Variants in ANKRD34C observed in about 807,000 individuals in gnomAD.
ANKRD34C encodes the protein ankyrin repeat domain 34C.
For synonymous variants in ANKRD34C, 260 were observed against 253.6 expected (o/e 1.03, Z -0.24); for missense variants, 563 against 653.0 (o/e 0.86, Z 1.50).
At position 79,293,585 on chromosome 15, in the gene ANKRD34C, G is replaced by C. The variant is rs1474153949; in HGVS notation, c.301G>C (p.Val101Leu). ...HACIRRAGGE[V>L]VSLLLENGAD... ...CTGTATCAGAAGAGCTGGGGGAGAA[G>C]TGGTCTCCTTATTACTGGAGAATGG... The change falls in exon 2 of 2, where the codon GTG (valine) becomes CTG (leucine). Residue 101 changes from valine (V) to leucine (L), a missense_variant. Physicochemically the swap from Val to Leu is conservative, Grantham distance 32. Coordinates refer to ENST00000421388, the MANE Select transcript of ANKRD34C (RefSeq NM_001146341.2). The C allele has an allele frequency of 6.4e-7, 1 of 1,551,592 alleles. No individual in the cohort carries two copies. The highest frequency in any genetic ancestry group is 1.4e-5 in the African/African-American group (1 of 73,048).
In ANKRD34C at chr15:79,293,656, T is replaced by G. The variant is rs955502762; in HGVS notation, c.372T>G (p.Val124=). The G allele has an allele frequency of 1.3e-6, 2 of 1,551,528 alleles. No individual in the cohort carries two copies. The highest frequency in any genetic ancestry group is 3.9e-5 in the Admixed American group (2 of 50,984). Reference sequence around the variant, plus strand: ...ATCGCACTGGGGCTTCAGCTCTGGTTTATGCAATAAATGCAGATGACAAGG... The same window carrying G: ...ATCGCACTGGGGCTTCAGCTCTGGTGTATGCAATAAATGCAGATGACAAGG... ...LEDRTGASAL[V]YAINADDKDA... is the part of the protein sequence containing the mutation. The change falls in exon 2 of 2, where the codon GTT becomes GTG. Residue 124 remains valine, a synonymous_variant. Coordinates refer to ENST00000421388, the MANE Select transcript of ANKRD34C (RefSeq NM_001146341.2).
At chr15:79,291,558 T>TCACTCA (rs770181881) in intron 1 of ANKRD34C, among the ~76,000 whole-genome samples, 1 of 50,996 alleles carries the variant, frequency 2.0e-5, no homozygotes, top group African/African-American at 7.5e-5. Flanking sequence ...GAAAGACCAT[T>TCACTCA]CACACACACA....
In ANKRD34C at chr15:79,294,587, C is replaced by T. The variant is rs1290010068; in HGVS notation, c.1303C>T (p.Arg435Cys). 56 of 1,551,618 alleles carry T rather than the reference C, an allele frequency of 3.6e-5. No homozygotes were observed. The highest frequency in any genetic ancestry group is 4.6e-5 in the Non-Finnish European group (53 of 1,147,010). The stretch of plus-strand genomic sequence containing the variant: ...ACCTAGCACATCCCCCAGCTCAGCA[C>T]GCCGCAGGCCGCCACATCTTCTAGA... ...TVPSTSPSSA[R>C]RRPPHLLERR... is the part of the protein sequence containing the mutation. The change falls in exon 2 of 2, where the codon CGC becomes TGC. Residue 435 changes from arginine to cysteine, a missense_variant. Physicochemically the swap from Arg to Cys is radical, Grantham distance 180. Transcript: ENST00000421388.
chr15:79,287,633 T>G (rs974472701), intron 1 of ANKRD34C, among the ~76,000 whole-genome samples: 1 of 152,258 alleles, frequency 6.6e-6, no homozygotes, highest in Admixed American at 6.5e-5. Context: ...TACTTGCTTA[T>G]AAGTAACAGA....
At position 79,294,066 on chromosome 15, in the gene ANKRD34C, C is replaced by T. The variant is rs1403453859; in HGVS notation, c.782C>T (p.Ser261Leu). 87 of 1,551,458 alleles carry T rather than the reference C, an allele frequency of 5.6e-5. No individual in the cohort carries two copies. The highest frequency in any genetic ancestry group is 6.7e-5 in the Non-Finnish European group (77 of 1,146,986). The change falls in exon 2 of 2, where the codon TCG becomes TTG. Residue 261 changes from serine (S) to leucine (L), a missense_variant. Coordinates refer to ENST00000421388, the MANE Select transcript of ANKRD34C (RefSeq NM_001146341.2). Reference sequence around the variant, plus strand: ...GAACCTTGGGGCCTGATAGCGCCCTCGGTGCTGGCAGCCTCGACGCGTCAG... The same window carrying T: ...GAACCTTGGGGCCTGATAGCGCCCTTGGTGCTGGCAGCCTCGACGCGTCAG... ...QSEPWGLIAP[S>L]VLAASTRQDE... is the part of the protein sequence containing the mutation.
rs1477599389 is a variant in ANKRD34C at position 79,297,486 on chromosome 15, G to T, written c.*2594G>T. On this transcript the variant is annotated 3_prime_UTR_variant, in exon 2 of 2. Transcript: ENST00000421388. ...TTAGCTTAGGTGACACACCAAACAT[G>T]ATGAGTTGCTCATTCAGGATAGCCG... The T allele has an allele frequency of 6.0e-6, 1 of 167,026 alleles. No individual in the cohort carries two copies. Among genetic ancestry groups the T allele is most frequent in the Non-Finnish European group, 1.5e-5 (1 of 68,118 alleles). 10.3% of individuals were successfully genotyped at this position (167,026 alleles called of 1,614,324 possible).
Position 79,293,702 on chromosome 15 carries a change from G to T in ANKRD34C, c.418G>T (p.Asp140Tyr), listed in dbSNP as rs938609003. ...CAAGGATGCATTGAAGCATCTCCTT[G>T]ATGCCTGCAAAGCCAAAGGGAAGGA... is the stretch of plus-strand genomic sequence containing the variant. Reference protein sequence around the residue: ...DDKDALKHLLDACKAKGKEVI... With the variant: ...DDKDALKHLLYACKAKGKEVI... The change falls in exon 2 of 2, where the codon GAT becomes TAT. Residue 140 changes from aspartate (D) to tyrosine (Y), a missense_variant. Physicochemically the swap from Asp to Tyr is radical, Grantham distance 160. Coordinates refer to ENST00000421388, the MANE Select transcript of ANKRD34C (RefSeq NM_001146341.2). The T allele has an allele frequency of 3.2e-6, 5 of 1,551,660 alleles. No individual in the cohort carries two copies. Among genetic ancestry groups the T allele is most frequent in the Middle Eastern group, 1.7e-4 (1 of 5,990 alleles).
rs2058669358 is a variant in ANKRD34C, at chr15:79,295,199, CAG to C, written c.*309_*310del. ...CATCAGTAGTTTTCTATCAGACAAACAGAAAAGAATTTAAATCAGGAGGTAGT... is the reference window on the plus strand; with the variant it reads ...CATCAGTAGTTTTCTATCAGACAAACAAAAGAATTTAAATCAGGAGGTAGT... On this transcript the variant is annotated 3_prime_UTR_variant, in exon 2 of 2. Coordinates refer to ENST00000421388, the MANE Select transcript of ANKRD34C (RefSeq NM_001146341.2). 1 of 286,368 alleles carries C rather than the reference CAG, an allele frequency of 3.5e-6. No homozygotes were observed. Among genetic ancestry groups the C allele is most frequent in the Non-Finnish European group, 6.9e-6 (1 of 145,480 alleles). 17.7% of individuals were successfully genotyped at this position (286,368 alleles called of 1,614,324 possible).
rs2058672280 is a variant in ANKRD34C, at chr15:79,296,308, C to T, written c.*1416C>T. On this transcript the variant is annotated 3_prime_UTR_variant, in exon 2 of 2. Coordinates refer to ENST00000421388, the MANE Select transcript of ANKRD34C (RefSeq NM_001146341.2). The stretch of plus-strand genomic sequence containing the variant: ...CTGTAAAATAGGATTAGTAGTGCTG[C>T]ACCTTACAAGGTTGTGATGAGAATT... 1 of 167,014 alleles carries T rather than the reference C, an allele frequency of 6.0e-6. No homozygotes were observed. Among genetic ancestry groups the T allele is most frequent in the Non-Finnish European group, 1.5e-5 (1 of 68,124 alleles). 10.3% of individuals were successfully genotyped at this position (167,014 alleles called of 1,614,324 possible).
intron 1 of ANKRD34C, among the ~76,000 whole-genome samples, chr15:79,291,088 TA>T (rs2058657769): frequency 6.6e-6 from 1 of 152,226 alleles, no homozygotes; most frequent in Non-Finnish European, 1.5e-5. Context: ...TGAGTCACTG[TA>T]ATTTCACTCA....
intron 1 of ANKRD34C, among the ~76,000 whole-genome samples, chr15:79,289,538 T>A (rs2058654193): frequency 6.6e-6 from 1 of 152,194 alleles, no homozygotes; most frequent in South Asian, 2.1e-4. Flanking sequence ...CCATCTTTCC[T>A]CCATTTCTTT....
intron 1 of ANKRD34C, among the ~76,000 whole-genome samples, chr15:79,286,574 AT>A (rs1279109184): frequency 6.6e-6 from 1 of 152,192 alleles, no homozygotes; most frequent in Non-Finnish European, 1.5e-5. Context: ...GGTAAATTAG[AT>A]TTTGGTTGAC....
chr15:79,291,332 G>T (rs1053050202), intron 1 of ANKRD34C, among the ~76,000 whole-genome samples: 1 of 152,132 alleles, frequency 6.6e-6, no homozygotes, highest in Non-Finnish European at 1.5e-5. Flanking sequence ...AGAGAGGTAG[G>T]CTGAGGCCAG....
In ANKRD34C at chr15:79,297,972, C is replaced by CT. The variant is rs113119652; in HGVS notation, c.*3090dup. On this transcript the variant is annotated 3_prime_UTR_variant, in exon 2 of 2. Coordinates refer to ENST00000421388, the MANE Select transcript of ANKRD34C (RefSeq NM_001146341.2). The stretch of plus-strand genomic sequence containing the variant: ...GGTTTAATTTCTAGACTTTCCAAAG[C>CT]TTTTTTTTTTCTTTTTAAAAAGCCC... The CT allele has an allele frequency of 0.083, 13,436 of 162,220 alleles. 559 individuals carry two copies. Among genetic ancestry groups the CT allele is most frequent in the Admixed American group, 0.11 (1,707 of 14,968 alleles). 10.0% of individuals were successfully genotyped at this position (162,220 alleles called of 1,614,324 possible). A position where few individuals can be genotyped will look rare whatever the true frequency, so the allele number is the denominator to read the frequency against.
At chr15:79,290,873 G>A (rs1389286196) in intron 1 of ANKRD34C, among the ~76,000 whole-genome samples, 4 of 152,178 alleles carry the variant, frequency 2.6e-5, no homozygotes, top group African/African-American at 4.8e-5. Context: ...ACTACCAACA[G>A]GTTCCTGTTG....
rs1025712446 is a variant in ANKRD34C, at chr15:79,294,259, A to T, written c.975A>T (p.Ala325=). The change falls in exon 2 of 2, where the codon GCA becomes GCT. Residue 325 remains alanine, a synonymous_variant. Coordinates refer to ENST00000421388, the MANE Select transcript of ANKRD34C (RefSeq NM_001146341.2). ...TTCTGAAGATTCCAGTCTCTTCAGC[A>T]CCGGCATCCTGGAAAGCAGCCTATG... ...EQVLKIPVSS[A]PASWKAAYEK... 5 of 1,551,540 alleles carry T rather than the reference A, an allele frequency of 3.2e-6. No individual in the cohort carries two copies. Among genetic ancestry groups the T allele is most frequent in the Non-Finnish European group, 4.4e-6 (5 of 1,146,980 alleles).
At chr15:79,285,199 C>G (rs1170183255) in intron 1 of ANKRD34C, among the ~76,000 whole-genome samples, 1 of 152,154 alleles carries the variant, frequency 6.6e-6, no homozygotes, top group African/African-American at 2.4e-5. Flanking sequence ...GAAACTTGCT[C>G]TGGTCTCTAA....
At position 79,294,791 on chromosome 15, in the gene ANKRD34C, A is replaced by C. The variant is rs1325109523; in HGVS notation, c.1507A>C (p.Lys503Gln). Residue 503 changes from lysine to glutamine, a missense_variant, in exon 2 of 2, where the codon AAG becomes CAG. Lys to Gln is a moderately conservative substitution (Grantham distance 53). Transcript: ENST00000421388. The stretch of plus-strand genomic sequence containing the variant: ...GGTTCCTGTTGCTCCAAGTTCACCA[A>C]AGAGAGTTGACTTAAGAAGTAAAAA... ...SMVPVAPSSP[K>Q]RVDLRSKKKL... 1 of 1,551,738 alleles carries C rather than the reference A, an allele frequency of 6.4e-7. No homozygotes were observed. Among genetic ancestry groups the C allele is most frequent in the Admixed American group, 2.0e-5 (1 of 51,012 alleles).
chr15:79,288,045 C>T (rs182326727), intron 1 of ANKRD34C, among the ~76,000 whole-genome samples: 2 of 152,336 alleles, frequency 1.3e-5, no homozygotes, highest in East Asian at 1.9e-4. Context: ...CTCACTGTAG[C>T]TTGTGAGAGT....
Sources: gnomAD v4.1 joint callset for allele counts (sites outside exome capture counted in the v4.1 genomes callset) on GRCh38, gnomAD v4.1.1 for gene constraint, MANE v1.5 for transcripts, NCBI Gene and HGNC (gene_info 2026-07-23, HGNC 2026-07-21) for gene names.